Variants in PKD1 observed in about 807,000 individuals in gnomAD.
PKD1 encodes the protein polycystin 1, transient receptor potential channel interacting, also known as polycystin-1.
A neutral mutation model predicts 361.7 loss-of-function variants in PKD1; 81 were observed. That is an observed-to-expected ratio of 0.22 (90% CI 0.19 to 0.27). PKD1 has a LOEUF of 0.27. Among genes scored for constraint, PKD1 ranks in the 10% least tolerant of loss-of-function variants. PKD1 has a pLI of 1.00. For synonymous variants in PKD1, 3,615 were observed against 2,818.3 expected, an observed-to-expected ratio of 1.28 and a Z score of -8.95; for missense variants, 6,399 against 6,118.3, an observed-to-expected ratio of 1.05 and a Z score of -1.53.
At chr16:2,112,174 C>A (rs2515684) in intron 14 of PKD1, among the ~76,000 whole-genome samples, 166 bp downstream of exon 14, 130 of 152,342 alleles carry the variant, frequency 8.5e-4, no homozygotes, top group African/African-American at 2.8e-3. Context: ...CCACTCCCCC[C>A]ACGCCTGGCC....
At chr16:2,124,054 TGGA>T (rs1168119734) in intron 1 of PKD1, among the ~76,000 whole-genome samples, 1 of 152,074 alleles carries the variant, frequency 6.6e-6, no homozygotes, top group African/African-American at 2.4e-5. Context: ...CACCACTGGG[TGGA>T]GAAGGAAGTC....
chr16:2,108,845 G>T lies in PKD1; in HGVS notation c.6322C>A (p.Pro2108Thr), dbSNP rs1232033088. 3 of 1,572,380 alleles carry T rather than the reference G, an allele frequency of 1.9e-6. No individual in the cohort carries two copies. The highest frequency in any genetic ancestry group is 2.3e-5 in the South Asian group (2 of 86,396). Residue 2108 changes from proline to threonine, a missense_variant, in exon 15 of 46, where the codon CCC becomes ACC. By Grantham distance (38) the Pro-to-Thr change is conservative. Transcript: ENST00000262304. ...CTCAGGTAGGAGTGCTCGGCCCTGG[G>T]CTCATCTGTGTCCTGCCCTGGCGAC... is the stretch of plus-strand genomic sequence containing the variant. ...DGSPGQDTDEPRAEHSYLRPG... is the reference protein window; with the variant it reads ...DGSPGQDTDETRAEHSYLRPG...
rs760735675 is a variant in PKD1, at chr16:2,110,367, G to C, written c.4800C>G (p.Thr1600=). 10 of 1,612,632 alleles carry C rather than the reference G, an allele frequency of 6.2e-6. No homozygotes were observed. The highest frequency in any genetic ancestry group is 2.2e-5 in the South Asian group (2 of 91,082). The change falls in exon 15 of 46, where the codon ACC becomes ACG. Residue 1600 remains threonine, a synonymous_variant. Transcript: ENST00000262304. ...PIPGGPTISY[T]FRSVGTFNII... ...TATTGAAGGTGCCCACGGAGCGGAAGGTGTAAGAGATGGTAGGACCCCCAG... is the reference window on the plus strand; with the variant it reads ...TATTGAAGGTGCCCACGGAGCGGAACGTGTAAGAGATGGTAGGACCCCCAG...
Position 2,109,818 on chromosome 16 carries a change from T to C in PKD1, c.5349A>G (p.Ala1783=), listed in dbSNP as rs775732477. 1.9e-6 allele frequency: 3 copies of C among 1,610,624 alleles called. No individual in the cohort carries two copies. Among genetic ancestry groups the C allele is most frequent in the East Asian group, 4.5e-5 (2 of 44,882 alleles). Reference sequence around the variant, plus strand: ...CGTTGGCTGAGCCCAGCGGGTTCCCTGCCGTCATGGTGACCAAGTGCAGGC... The same window carrying C: ...CGTTGGCTGAGCCCAGCGGGTTCCCCGCCGTCATGGTGACCAAGTGCAGGC... The part of the protein sequence containing the change: ...TPGLHLVTMT[A]GNPLGSANAT... Residue 1783 remains alanine, a synonymous_variant, in exon 15 of 46, where the codon GCA becomes GCG. Coordinates refer to ENST00000262304, the MANE Select transcript of PKD1 (RefSeq NM_001009944.3).
In PKD1 at chr16:2,118,582, C is replaced by CA. The variant is rs1324943546; in HGVS notation, c.529+93dup. The CA allele has an allele frequency of 5.2e-6, 4 of 775,888 alleles. No homozygotes were observed. The highest frequency in any genetic ancestry group is 8.8e-6 in the Non-Finnish European group (4 of 457,074). 48.1% of individuals were successfully genotyped at this position (775,888 alleles called of 1,614,324 possible). A position where few individuals can be genotyped will look rare whatever the true frequency, so the allele number is the denominator to read the frequency against. ...GTTCCCTTGGCCCGGAGGCCCCCCC[C>CA]AGAGAGGCCTTCCTGAGCCCTGCCC... is the stretch of plus-strand genomic sequence containing the variant. On this transcript the variant is annotated intron_variant, in intron 4 of 45. Coordinates refer to ENST00000262304, the MANE Select transcript of PKD1 (RefSeq NM_001009944.3). This position sits in a 1 kb window ranked among gnomAD's most constrained non-coding sequence, Gnocchi z 6.0.
chr16:2,122,430 C>A (rs1019160253), intron 1 of PKD1, among the ~76,000 whole-genome samples: 3 of 151,958 alleles, frequency 2.0e-5, no homozygotes, highest in African/African-American at 4.8e-5. Context: ...CCTAACTGAA[C>A]CCTGCTTCTC....
In PKD1 at chr16:2,099,600, C is replaced by G. The variant is rs2092002821; in HGVS notation, c.10050+44G>C. On this transcript the variant is annotated intron_variant, in intron 30 of 45. Transcript: ENST00000262304. ...CGGCCCTAGGCATGGTGCCGAGGCC[C>G]AGGCTCCATTCCCAGTACTCCCGGG... 5 of 1,548,204 alleles carry G rather than the reference C, an allele frequency of 3.2e-6. No individual in the cohort carries two copies. In the South Asian group the frequency reaches 4.6e-5, roughly 14 times the overall value.
intron 30 of PKD1, 57 bp downstream of exon 30, chr16:2,099,587 T>C: frequency 6.6e-7 from 1 of 1,526,088 alleles, no homozygotes. Flanking sequence ...GCCCTAGGCA[T>C]GGTGCCGAGG....
chr16:2,131,210 T>C (rs910970775), intron 1 of PKD1, among the ~76,000 whole-genome samples: 2 of 152,118 alleles, frequency 1.3e-5, no homozygotes, highest in African/African-American at 4.8e-5. Flanking sequence ...GGGAAGCTCC[T>C]AGACATCATC....
rs1226366584 is a variant in PKD1 at position 2,111,474 on chromosome 16, G to C, written c.3693C>G (p.Val1231=). 1 of 1,611,428 alleles carries C rather than the reference G, an allele frequency of 6.2e-7. No individual in the cohort carries two copies. Among genetic ancestry groups the C allele is most frequent in the Non-Finnish European group, 8.5e-7 (1 of 1,179,434 alleles). ...TGTCGCCCGTCTGCACCGCGGCGCT[G>C]ACCACCACGGGGGCGCCCTGCTCCA... ...LAVEQGAPVV[V]SAAVQTGDNI... is the part of the protein sequence containing the mutation. Residue 1231 remains valine, a synonymous_variant, in exon 15 of 46, where the codon GTC becomes GTG. Transcript: ENST00000262304.
At chr16:2,130,897 T>C (rs1453649806) in intron 1 of PKD1, among the ~76,000 whole-genome samples, 1 of 152,098 alleles carries the variant, frequency 6.6e-6, no homozygotes, top group Non-Finnish European at 1.5e-5. Context: ...GACCCCAGCA[T>C]TTGCGAGACA....
chr16:2,111,341 C>T lies in PKD1; in HGVS notation c.3826G>A (p.Ala1276Thr). The T allele has an allele frequency of 6.2e-7, 1 of 1,609,162 alleles. No individual in the cohort carries two copies. Among genetic ancestry groups the T allele is most frequent in the Non-Finnish European group, 8.5e-7 (1 of 1,179,032 alleles). The change falls in exon 15 of 46, where the codon GCG (alanine) becomes ACG (threonine). Residue 1276 changes from alanine to threonine, a missense_variant. By Grantham distance (58) the Ala-to-Thr change is moderately conservative. Transcript: ENST00000262304. ...GCCAGGTGGCCGGCGGGGCTGGCCG[C>T]ACCCACGGTCACTGTGCAGTTCTGT... ...RAQNCTVTVG[A>T]ASPAGHLARS... is the part of the protein sequence containing the mutation.
chr16:2,090,772 C>A lies in PKD1; in HGVS notation c.12040G>T (p.Val4014Phe). Residue 4014 changes from valine (V) to phenylalanine (F), a missense_variant, in exon 44 of 46, where the codon GTC becomes TTC. Coordinates refer to ENST00000262304, the MANE Select transcript of PKD1 (RefSeq NM_001009944.3). ...GCTCGGCATAATGTCTTGCCAAAGA[C>A]GGACCACTGGCGCACGAAGCGTAGC... is the stretch of plus-strand genomic sequence containing the variant. ...QQLRFVRQWS[V>F]FGKTLCRALP... The A allele has an allele frequency of 6.2e-7, 1 of 1,612,646 alleles. No homozygotes were observed. Among genetic ancestry groups the A allele is most frequent in the East Asian group, 2.2e-5 (1 of 44,888 alleles).
Position 2,113,099 on chromosome 16 carries a change from G to A in PKD1, c.2985+62C>T, listed in dbSNP as rs1310404025. ...AGCAGAGCAGAAGGCAGAGGTGAAGGTGGAGCCCGCCCCCGCCCTGCCCCG... is the reference window on the plus strand; with the variant it reads ...AGCAGAGCAGAAGGCAGAGGTGAAGATGGAGCCCGCCCCCGCCCTGCCCCG... On this transcript the variant is annotated intron_variant, in intron 12 of 45. Coordinates refer to ENST00000262304, the MANE Select transcript of PKD1 (RefSeq NM_001009944.3). 23 of 904,824 alleles carry A rather than the reference G, an allele frequency of 2.5e-5. No homozygotes were observed. In the East Asian group the frequency reaches 5.5e-4, roughly 22 times the overall value. 56.0% of individuals were successfully genotyped at this position (904,824 alleles called of 1,614,324 possible).
At chr16:2,104,356 A>G (rs1596530790) in intron 22 of PKD1, 142 bp downstream of exon 22, 2 of 459,220 alleles carry the variant, frequency 4.4e-6, no homozygotes, top group Non-Finnish European at 7.9e-6. Flanking sequence ...GAATTGGGGG[A>G]GGGGGATGAG....
In PKD1 at chr16:2,111,302, C is replaced by G. The variant is rs541552030; in HGVS notation, c.3865G>C (p.Val1289Leu). Reference sequence around the variant, plus strand: ...AGCACCTCCAGGACGAAGACCAGCACGTGCAGGCTCCGGGCCAGGTGGCCG... The same window carrying G: ...AGCACCTCCAGGACGAAGACCAGCAGGTGCAGGCTCCGGGCCAGGTGGCCG... ...PAGHLARSLH[V>L]LVFVLEVLRV... is the part of the protein sequence containing the mutation. Residue 1289 changes from valine to leucine, a missense_variant, in exon 15 of 46, where the codon GTG becomes CTG. Val to Leu is a conservative substitution (Grantham distance 32, BLOSUM62 1). Transcript: ENST00000262304. 1 of 1,609,064 alleles carries G rather than the reference C, an allele frequency of 6.2e-7. No homozygotes were observed. Among genetic ancestry groups the G allele is most frequent in the Non-Finnish European group, 8.5e-7 (1 of 1,179,270 alleles).
At chr16:2,097,095 A>G (rs1309682109) in intron 34 of PKD1, 53 bp downstream of exon 34, 7 of 807,946 alleles carry the variant, frequency 8.7e-6, no homozygotes, top group Non-Finnish European at 1.1e-5. Flanking sequence ...GCCTGGCCTG[A>G]GTCCCGGCCC....
Position 2,091,484 on chromosome 16 carries a change from C to T in PKD1, c.11651G>A (p.Ser3884Asn), listed in dbSNP as rs1465553263. Residue 3884 changes from serine to asparagine, a missense_variant, in exon 42 of 46, where the codon AGC (serine) becomes AAC (asparagine). Coordinates refer to ENST00000262304, the MANE Select transcript of PKD1 (RefSeq NM_001009944.3). ...PAAGRALAAL[S>N]VRPFALRRLS... ...GCGGCGCAGCGCAAAGGGGCGGACG[C>T]TGAGGGCGGCCAGGGCGCGGCCGGC... 8.0e-6 allele frequency: 11 copies of T among 1,380,490 alleles called. No individual in the cohort carries two copies. The highest frequency in any genetic ancestry group is 3.6e-5 in the Admixed American group (1 of 27,906). 85.5% of individuals were successfully genotyped at this position (1,380,490 alleles called of 1,614,324 possible).
In PKD1 at chr16:2,090,207, C is replaced by T. The variant is rs1170212145; in HGVS notation, c.12445-13G>A. 1.2e-6 allele frequency: 2 copies of T among 1,607,640 alleles called. No homozygotes were observed. ...CTTTGTGGCGGAACTGGGGGCGGCACAGGGGCTCAGTCAGTCCGGCTGCAC... is the reference window on the plus strand; with the variant it reads ...CTTTGTGGCGGAACTGGGGGCGGCATAGGGGCTCAGTCAGTCCGGCTGCAC... On this transcript the variant is annotated splice_polypyrimidine_tract_variant and intron_variant, in intron 45 of 45. Coordinates refer to ENST00000262304, the MANE Select transcript of PKD1 (RefSeq NM_001009944.3).
Sources: gnomAD v4.1 joint callset for allele counts (sites outside exome capture counted in the v4.1 genomes callset) on GRCh38, gnomAD v4.1.1 for gene constraint, Gnocchi (gnomAD v3.1) non-coding constraint, MANE v1.5 for transcripts, NCBI Gene and HGNC (gene_info 2026-07-23, HGNC 2026-07-21) for gene names.